The following THSD7B variants were observed in gnomAD, a reference collection of about 807,000 sequenced individuals.
THSD7B encodes thrombospondin type-1 domain-containing protein 7B.
Under a neutral mutation model 213.6 loss-of-function variants are expected in THSD7B, and 138 were observed. The observed-to-expected ratio is 0.65, with a 90% CI of 0.56 to 0.74. THSD7B has a LOEUF of 0.74. Among genes scored for constraint, THSD7B ranks in the 30% least tolerant of loss-of-function variants. The pLI, the probability that THSD7B is intolerant of heterozygous loss-of-function variation, is 0.00. For synonymous variants in THSD7B, 742 were observed against 687.0 expected, an observed-to-expected ratio of 1.08 and a Z score of -1.25; for missense variants, 1,931 against 1,991.5, an observed-to-expected ratio of 0.97 and a Z score of 0.58.
chr2:137,616,436 T>C, intron 18 of THSD7B, 120 bp downstream of exon 18: 1 of 868,386 alleles, frequency 1.2e-6, no homozygotes, highest in Middle Eastern at 2.4e-4. Context: ...GTGTATTGCA[T>C]AAAAGCCTGA....
At chr2:137,512,639 C>G (rs1214876719) in intron 15 of THSD7B, among the ~76,000 whole-genome samples, 1 of 151,922 alleles carries the variant, frequency 6.6e-6, no homozygotes, top group Non-Finnish European at 1.5e-5. Flanking sequence ...AGTGATCTGT[C>G]TGCCTCAGCC....
chr2:137,663,127 A>T (rs1371270568), intron 25 of THSD7B, among the ~76,000 whole-genome samples: 1 of 152,086 alleles, frequency 6.6e-6, no homozygotes, highest in African/African-American at 2.4e-5. Flanking sequence ...ATTCACAAAG[A>T]ACTATGGTTT....
At chr2:137,285,090 T>C (rs1273733048) in intron 12 of THSD7B, among the ~76,000 whole-genome samples, 1 of 152,170 alleles carries the variant, frequency 6.6e-6, no homozygotes, top group East Asian at 1.9e-4. Flanking sequence ...GCTCCCGTAT[T>C]GGGTGCCTAT....
chr2:137,069,397 G>C (rs1016312441), intron 3 of THSD7B, among the ~76,000 whole-genome samples: 1 of 151,996 alleles, frequency 6.6e-6, no homozygotes, highest in African/African-American at 2.4e-5. Flanking sequence ...TAGGAAGACT[G>C]TTTATATAAA....
chr2:137,453,607 GCGTGAGCTA>G (rs1687700620), intron 15 of THSD7B, among the ~76,000 whole-genome samples: 1 of 152,048 alleles, frequency 6.6e-6, no homozygotes, highest in Admixed American at 6.6e-5. Flanking sequence ...GGGATTACAG[GCGTGAGCTA>G]CTGCACCTGG....
chr2:137,352,637 G>T lies in THSD7B; in HGVS notation c.2501-52976G>T, dbSNP rs371048355. 6.6e-5 allele frequency among the ~76,000 whole-genome samples: 10 copies of T among 152,032 alleles called. No homozygotes were observed. In the South Asian group the frequency reaches 2.1e-3, roughly 32 times the overall value. On this transcript the variant is annotated intron_variant, in intron 12 of 27. Coordinates refer to ENST00000409968, the MANE Select transcript of THSD7B (RefSeq NM_001316349.2). ...CTTCTGAGTTAAATGTCCAACTGTG[G>T]TTCCTGATATGTAAATTGCTGAGTA...
intron 5 of THSD7B, among the ~76,000 whole-genome samples, chr2:137,141,398 G>A (rs1679581379): frequency 2.6e-5 from 4 of 152,044 alleles, no homozygotes; most frequent in Admixed American, 2.6e-4. Flanking sequence ...GTCTTATAGT[G>A]ATAGAGCAGC....
intron 1 of THSD7B, among the ~76,000 whole-genome samples, chr2:136,802,639 T>TTATATATA (rs56719114): frequency 0.046 from 2,641 of 56,980 alleles, 400 homozygotes; most frequent in Non-Finnish European, 0.068. Context: ...TGAATTAAGT[T>TTATATATA]TATATATATA....
intron 1 of THSD7B, among the ~76,000 whole-genome samples, chr2:136,833,906 C>G (rs1177344693): frequency 6.6e-6 from 1 of 152,148 alleles, no homozygotes; most frequent in African/African-American, 2.4e-5. Context: ...AAAAGTTTCA[C>G]TCATCTAAAA....
chr2:137,564,136 G>C (rs964591266), intron 16 of THSD7B, among the ~76,000 whole-genome samples: 15 of 152,190 alleles, frequency 9.9e-5, no homozygotes, highest in African/African-American at 3.4e-4. Flanking sequence ...CACATGCATA[G>C]TGTATTATTT....
intron 2 of THSD7B, among the ~76,000 whole-genome samples, chr2:137,014,795 C>G (rs1012467486): frequency 6.6e-6 from 1 of 152,146 alleles, no homozygotes; most frequent in Non-Finnish European, 1.5e-5. Context: ...AGTCACTTCC[C>G]CTCTTGCTTT....
rs764828802 is a variant in THSD7B, at chr2:137,618,507, G to A, written c.3681G>A (p.Gln1227=). Reference sequence around the variant, plus strand: ...CAGTCAGCATGGACCAATGTGAGCAGGTACTGTGTTTATATTCATATCTCA... The same window carrying A: ...CAGTCAGCATGGACCAATGTGAGCAAGTACTGTGTTTATATTCATATCTCA... ...GKPVSMDQCE[Q]HNLEKPQRMS... The change falls in exon 19 of 28, where the codon CAG becomes CAA. Residue 1227 remains glutamine, a splice_region_variant and synonymous_variant. Coordinates refer to ENST00000409968, the MANE Select transcript of THSD7B (RefSeq NM_001316349.2). 6.2e-7 allele frequency: 1 copy of A among 1,613,194 alleles called. No individual in the cohort carries two copies. The highest frequency in any genetic ancestry group is 1.1e-5 in the South Asian group (1 of 90,964).
intron 2 of THSD7B, among the ~76,000 whole-genome samples, chr2:136,948,218 T>G (rs1040409204): frequency 6.6e-5 from 10 of 152,200 alleles, no homozygotes; most frequent in Non-Finnish European, 1.5e-4. Flanking sequence ...TTGACTTTCT[T>G]GAAAATTTAA....
intron 3 of THSD7B, among the ~76,000 whole-genome samples, chr2:137,089,397 T>TATATACATATACACACTAGTATATATAC (rs1687909332): frequency 6.7e-6 from 1 of 149,700 alleles, no homozygotes; most frequent in Non-Finnish European, 1.5e-5. Context: ...TGTATATGTA[T>TATATACATATACACACTAGTATATATAC]ATATACATAT....
intron 2 of THSD7B, among the ~76,000 whole-genome samples, chr2:137,026,500 A>G (rs1341909889): frequency 2.0e-5 from 3 of 152,176 alleles, no homozygotes; most frequent in African/African-American, 4.8e-5. Flanking sequence ...GGTTTTTTAT[A>G]GTACTAGGCT....
Position 137,498,140 on chromosome 2 carries a change from C to A in THSD7B, c.3138+47117C>A, listed in dbSNP as rs534522652. Among the ~76,000 whole-genome samples the A allele has an allele frequency of 2.0e-5, 3 of 152,230 alleles. No homozygotes were observed. In the East Asian group the frequency reaches 5.8e-4, roughly 29 times the overall value. On this transcript the variant is annotated intron_variant, in intron 15 of 27. Transcript: ENST00000409968. The stretch of plus-strand genomic sequence containing the variant: ...AATAAATTTGGTGATTTCTAGTGAT[C>A]TGTTAAATATGTTCAGATAAGTGTG...
chr2:136,918,450 C>A (rs1684381180), intron 2 of THSD7B, among the ~76,000 whole-genome samples: 1 of 152,190 alleles, frequency 6.6e-6, no homozygotes, highest in Non-Finnish European at 1.5e-5. Context: ...TACGTTATAT[C>A]TATTCTTCCC....
At chr2:137,207,249 G>A (rs1681006666) in intron 7 of THSD7B, among the ~76,000 whole-genome samples, 1 of 152,176 alleles carries the variant, frequency 6.6e-6, no homozygotes, top group South Asian at 2.1e-4. Flanking sequence ...TACAAATGAG[G>A]AAACTAAGCT....
intron 15 of THSD7B, among the ~76,000 whole-genome samples, chr2:137,527,210 G>T (rs1680296510): frequency 6.6e-6 from 1 of 152,102 alleles, no homozygotes; most frequent in South Asian, 2.1e-4. Context: ...AAAGAATTCA[G>T]TCAGTTGCAA....
Sources: allele counts gnomAD v4.1 joint callset (sites outside exome capture counted in the v4.1 genomes callset), GRCh38; gene constraint gnomAD v4.1.1; transcripts MANE v1.5; gene names NCBI Gene and HGNC (gene_info 2026-07-23, HGNC 2026-07-21).